Variants in UGGT2 observed in about 807,000 individuals in gnomAD.
The protein encoded by UGGT2 is UDP-glucose:glycoprotein glucosyltransferase 2.
In UGGT2, 180 loss-of-function variants were observed where a neutral mutation model predicts 192.1. That is an observed-to-expected ratio of 0.94 (90% CI 0.83 to 1.06). UGGT2 has a LOEUF of 1.06. Among genes scored for constraint, UGGT2 ranks in the 50% least tolerant of loss-of-function variants. The pLI, the probability that UGGT2 is intolerant of heterozygous loss-of-function variation, is 0.00. For synonymous variants in UGGT2, 580 were observed against 591.0 expected (o/e 0.98, Z 0.27); for missense variants, 1,849 against 1,795.7 (o/e 1.03, Z -0.54).
chr13:96,046,932 C>A (rs2053331259), intron 1 of UGGT2, among the ~76,000 whole-genome samples: 1 of 152,200 alleles, frequency 6.6e-6, no homozygotes. Flanking sequence ...GGGGCACCCG[C>A]CATTGCTGAG....
At chr13:96,050,983 T>A (rs2053469059) in intron 1 of UGGT2, among the ~76,000 whole-genome samples, 1 of 152,192 alleles carries the variant, frequency 6.6e-6, no homozygotes, top group Non-Finnish European at 1.5e-5. Context: ...CATTACTGGG[T>A]ATATACCCAA....
intron 38 of UGGT2, among the ~76,000 whole-genome samples, chr13:95,805,451 G>A (rs1050598677): frequency 9.2e-5 from 14 of 152,050 alleles, no homozygotes; most frequent in African/African-American, 2.9e-4. Context: ...AATGGAAAGC[G>A]GGGTCTCAAA....
rs1409562041 is a variant in UGGT2, at chr13:95,931,514, C to G, written c.1978-4178G>C. Among the ~76,000 whole-genome samples the G allele has an allele frequency of 2.9e-4, 42 of 144,376 alleles. No individual in the cohort carries two copies. In the South Asian group the frequency reaches 0.01, roughly 35 times the overall value. 94.7% of individuals were successfully genotyped at this position (144,376 alleles called of 152,430 possible). On this transcript the variant is annotated intron_variant, in intron 17 of 38. Coordinates refer to ENST00000376747, the MANE Select transcript of UGGT2 (RefSeq NM_020121.4). The stretch of plus-strand genomic sequence containing the variant: ...GCAGCACTCGTCGGGGAGGCTCGGG[C>G]TGCGCAAGACCCCACGGTGCCGGGG...
At chr13:95,999,460 T>A (rs2051728821) in intron 5 of UGGT2, among the ~76,000 whole-genome samples, 153 bp from the exon 6 acceptor site, 1 of 152,224 alleles carries the variant, frequency 6.6e-6, no homozygotes. Context: ...GTTTATATTG[T>A]CTCTAGTCTA....
At chr13:96,053,130 G>A in intron 1 of UGGT2, 25 bp downstream of exon 1, 2 of 1,466,376 alleles carry the variant, frequency 1.4e-6, no homozygotes, top group Non-Finnish European at 1.8e-6. Context: ...ACACCCGCCC[G>A]GACGAGGGCC....
In UGGT2 at chr13:95,948,099, T is replaced by C; in HGVS notation, c.1456-18A>G. The C allele has an allele frequency of 1.3e-6, 2 of 1,589,986 alleles. No individual in the cohort carries two copies. Among genetic ancestry groups the C allele is most frequent in the Non-Finnish European group, 1.7e-6 (2 of 1,161,444 alleles). ...AACAGAACCTAAAAGAAAGATAGTA[T>C]ATATCACTATTTCAACACCTTAGAA... On this transcript the variant is annotated intron_variant, in intron 13 of 38. Transcript: ENST00000376747.
At chr13:95,828,625 T>G (rs1886306629) in intron 38 of UGGT2, among the ~76,000 whole-genome samples, 1 of 152,124 alleles carries the variant, frequency 6.6e-6, no homozygotes, top group Admixed American at 6.5e-5. Flanking sequence ...CAGGAAGAAG[T>G]TGAATCCCTC....
At chr13:95,958,534 CTTACA>C in intron 12 of UGGT2, among the ~76,000 whole-genome samples, 1 of 151,712 alleles carries the variant, frequency 6.6e-6, no homozygotes, top group African/African-American at 2.4e-5. Context: ...GAGAGAATCC[CTTACA>C]TTTTTATATA....
chr13:95,863,745 T>C, intron 30 of UGGT2, 31 bp from the exon 31 acceptor site: 1 of 1,561,702 alleles, frequency 6.4e-7, no homozygotes, highest in Non-Finnish European at 8.8e-7. Flanking sequence ...GATTAGAATT[T>C]GGCTGCTTTA....
chr13:95,887,995 T>A (rs765280439), intron 25 of UGGT2, 24 bp from the exon 26 acceptor site: 13 of 1,493,826 alleles, frequency 8.7e-6, no homozygotes. Context: ...ATTCCCATGT[T>A]TGATATTAAA....
intron 20 of UGGT2, among the ~76,000 whole-genome samples, chr13:95,916,198 C>T (rs1347048091): frequency 1.3e-5 from 2 of 152,212 alleles, no homozygotes; most frequent in African/African-American, 4.8e-5. Flanking sequence ...CCAGAAGGAT[C>T]TGGCTGCCAT....
At chr13:95,969,091 G>A (rs1368965282) in intron 12 of UGGT2, among the ~76,000 whole-genome samples, 1 of 152,266 alleles carries the variant, frequency 6.6e-6, no homozygotes, top group Non-Finnish European at 1.5e-5. Flanking sequence ...CTTTTCCTCA[G>A]TCCGGAGATT....
chr13:96,024,455 T>C (rs969717395), intron 2 of UGGT2, among the ~76,000 whole-genome samples: 1 of 152,230 alleles, frequency 6.6e-6, no homozygotes, highest in Non-Finnish European at 1.5e-5. Context: ...GAAGACCTGG[T>C]GGCACTAACG....
chr13:95,884,793 A>G, intron 26 of UGGT2, 113 bp from the exon 27 acceptor site: 1 of 1,030,552 alleles, frequency 9.7e-7, no homozygotes. Context: ...ACAATCAAAA[A>G]GACTAAGATG....
intron 29 of UGGT2, among the ~76,000 whole-genome samples, chr13:95,868,838 G>A (rs1890929646): frequency 6.6e-6 from 1 of 151,958 alleles, no homozygotes; most frequent in Non-Finnish European, 1.5e-5. Flanking sequence ...CCATCAGGTA[G>A]CAGAGGTAGT....
intron 17 of UGGT2, among the ~76,000 whole-genome samples, chr13:95,932,309 ATT>A (rs1491217099): frequency 1.6e-5 from 1 of 62,172 alleles, no homozygotes; most frequent in South Asian, 6.5e-4. Flanking sequence ...TAGGTATTTT[ATT>A]TGTGTGTGTG....
chr13:96,030,260 T>C (rs894393004), intron 2 of UGGT2, among the ~76,000 whole-genome samples: 3 of 152,214 alleles, frequency 2.0e-5, no homozygotes, highest in East Asian at 1.9e-4. Context: ...TGTGTTTTCA[T>C]GTTATGCATG....
At chr13:95,944,726 C>T (rs1278695542) in intron 15 of UGGT2, among the ~76,000 whole-genome samples, 1 of 151,872 alleles carries the variant, frequency 6.6e-6, no homozygotes, top group Non-Finnish European at 1.5e-5. Flanking sequence ...CTTTTAACTC[C>T]TTTTCTAACT....
intron 12 of UGGT2, among the ~76,000 whole-genome samples, chr13:95,956,305 C>G (rs1253797642): frequency 6.6e-6 from 1 of 151,378 alleles, no homozygotes; most frequent in Non-Finnish European, 1.5e-5. Context: ...CAAAGGTAAC[C>G]AAAAAAAGGT....
Sources: gnomAD v4.1 joint callset for allele counts (sites outside exome capture counted in the v4.1 genomes callset) on GRCh38, gnomAD v4.1.1 for gene constraint, MANE v1.5 for transcripts, NCBI Gene and HGNC (gene_info 2026-07-23, HGNC 2026-07-21) for gene names.